The following BTF3L4 variants were observed in gnomAD, a reference collection of about 807,000 sequenced individuals.
The protein encoded by BTF3L4 is basic transcription factor 3 like 4.
Under a neutral mutation model 16.8 loss-of-function variants are expected in BTF3L4, and 6 were observed. That is an observed-to-expected ratio of 0.36 (90% CI 0.20 to 0.71). BTF3L4 has a LOEUF of 0.71. BTF3L4 is among the 30% of genes least tolerant of loss of function. The probability of loss-of-function intolerance (pLI) is 0.58; values close to 1 mark genes in which losing one functional copy is unlikely to be tolerated. For missense variants in BTF3L4, 92 were observed against 186.9 expected, an observed-to-expected ratio of 0.49 and a Z score of 2.96; for synonymous variants, 39 against 59.8, an observed-to-expected ratio of 0.65 and a Z score of 1.60.
chr1:52,086,177 T>A lies in BTF3L4; in HGVS notation c.430+6T>A. On this transcript the variant is annotated splice_donor_region_variant and intron_variant, in intron 5 of 5. Coordinates refer to ENST00000313334, the MANE Select transcript of BTF3L4 (RefSeq NM_152265.5). ...GGAAGATGATGATGTTCCAGGTAAG[T>A]GACATTTCCTTAGACTTAAGATTTT... 1 of 1,607,862 alleles carries A rather than the reference T, an allele frequency of 6.2e-7. No homozygotes were observed. Among genetic ancestry groups the A allele is most frequent in the Non-Finnish European group, 8.5e-7 (1 of 1,176,300 alleles).
chr1:52,057,367 A>G (rs1438306948), intron 1 of BTF3L4, among the ~76,000 whole-genome samples: 2 of 152,234 alleles, frequency 1.3e-5, no homozygotes, highest in Non-Finnish European at 2.9e-5. Flanking sequence ...AACAGTGCTA[A>G]AAGATCCTGG....
At chr1:52,078,666 A>G (rs1291037461) in intron 3 of BTF3L4, among the ~76,000 whole-genome samples, 1 of 152,200 alleles carries the variant, frequency 6.6e-6, no homozygotes, top group African/African-American at 2.4e-5. Flanking sequence ...TCTTCTAAAC[A>G]GTGAAAACAG....
chr1:52,085,297 G>A (rs1643961349), intron 4 of BTF3L4, among the ~76,000 whole-genome samples: 1 of 150,540 alleles, frequency 6.6e-6, no homozygotes, highest in African/African-American at 2.4e-5. Flanking sequence ...GGGATTACAA[G>A]CATGAGCCAC....
chr1:52,057,491 G>A (rs1311298502), intron 1 of BTF3L4, among the ~76,000 whole-genome samples: 1 of 152,204 alleles, frequency 6.6e-6, no homozygotes, highest in Non-Finnish European at 1.5e-5. Context: ...TATTAAGATG[G>A]GAGGGAGGGA....
rs1470173416 is a variant in BTF3L4 at position 52,089,790 on chromosome 1, T to G, written c.*3032T>G. The stretch of plus-strand genomic sequence containing the variant: ...GGCTCTTATATCTGTTTTACCCTTA[T>G]TTTTCCCATTAAGTAATGGTTTAAG... On this transcript the variant is annotated 3_prime_UTR_variant, in exon 6 of 6. Coordinates refer to ENST00000313334, the MANE Select transcript of BTF3L4 (RefSeq NM_152265.5). The G allele has an allele frequency of 6.6e-6, 1 of 152,188 alleles. No homozygotes were observed. The highest frequency in any genetic ancestry group is 1.9e-4 in the East Asian group (1 of 5,196). 9.4% of individuals were successfully genotyped at this position (152,188 alleles called of 1,614,324 possible).
chr1:52,080,641 C>A (rs1378382549), intron 3 of BTF3L4, among the ~76,000 whole-genome samples: 2 of 140,174 alleles, frequency 1.4e-5, no homozygotes, highest in Non-Finnish European at 3.0e-5. Flanking sequence ...TCAAGCAATT[C>A]TCCTGCCTCA....
At chr1:52,079,867 CT>C (rs757472183) in intron 3 of BTF3L4, among the ~76,000 whole-genome samples, 3 of 28,124 alleles carry the variant, frequency 1.1e-4, no homozygotes, top group Non-Finnish European at 1.7e-4. Context: ...TTTTTCTTTT[CT>C]TTTCTTTTTT....
At chr1:52,083,197 A>C (rs573379408) in intron 3 of BTF3L4, 143 bp from the exon 4 acceptor site, 38 of 654,378 alleles carry the variant, frequency 5.8e-5, no homozygotes, top group African/African-American at 4.9e-4. Flanking sequence ...TTTTTCCACG[A>C]ATGTCCGTTG....
At chr1:52,067,412 A>G (rs1283540227) in intron 3 of BTF3L4, among the ~76,000 whole-genome samples, 1 of 152,198 alleles carries the variant, frequency 6.6e-6, no homozygotes, top group Non-Finnish European at 1.5e-5. Context: ...TGTAAGCCAC[A>G]TGCATCTTTT....
At chr1:52,076,708 C>G (rs991709053) in intron 3 of BTF3L4, among the ~76,000 whole-genome samples, 1 of 152,142 alleles carries the variant, frequency 6.6e-6, no homozygotes, top group African/African-American at 2.4e-5. Flanking sequence ...TAATAATAGC[C>G]ATTAGAAATA....
Position 52,086,698 on chromosome 1 carries a change from T to G in BTF3L4, c.431-14T>G. On this transcript the variant is annotated splice_polypyrimidine_tract_variant and intron_variant, in intron 5 of 5. Coordinates refer to ENST00000313334, the MANE Select transcript of BTF3L4 (RefSeq NM_152265.5). ...TGTATTCTTTGATTCATATACTTTG[T>G]TTTTCTTTTTCAGATCTTGTAGAAA... The G allele has an allele frequency of 6.5e-7, 1 of 1,548,720 alleles. No individual in the cohort carries two copies. Among genetic ancestry groups the G allele is most frequent in the Non-Finnish European group, 8.8e-7 (1 of 1,131,984 alleles).
chr1:52,060,514 G>T (rs776160678), intron 2 of BTF3L4: 19 of 1,255,774 alleles, frequency 1.5e-5, no homozygotes, highest in Middle Eastern at 4.4e-4. Context: ...TAAAGCCTAA[G>T]GAAGAACTAG....
chr1:52,075,807 G>A (rs1686918247), intron 3 of BTF3L4, among the ~76,000 whole-genome samples: 1 of 151,844 alleles, frequency 6.6e-6, no homozygotes, highest in African/African-American at 2.4e-5. Flanking sequence ...GGGATTACAG[G>A]CAGGCGCCAC....
chr1:52,088,191 T>A lies in BTF3L4; in HGVS notation c.*1433T>A, dbSNP rs1572035090. On this transcript the variant is annotated 3_prime_UTR_variant, in exon 6 of 6. Transcript: ENST00000313334. ...AGCTTAACCTTGCAGCTACCAACTT[T>A]TGTGTCAAGCTAGATATCTTTATTT... 6.6e-6 allele frequency: 1 copy of A among 152,604 alleles called. No individual in the cohort carries two copies. The highest frequency in any genetic ancestry group is 6.5e-5 in the Admixed American group (1 of 15,272). The allele number at this position is 152,604 out of a possible 1,614,324, so 9.5% of individuals were successfully genotyped here.
chr1:52,086,118 A>C lies in BTF3L4; in HGVS notation c.377A>C (p.Asp126Ala). The part of the protein sequence containing the change: ...LAEQFPRQVL[D>A]SKAPKPEDID... ...TAAAATAAACTTTTTGTAGTCTTGG[A>C]CAGTAAAGCACCAAAACCAGAAGAC... is the stretch of plus-strand genomic sequence containing the variant. Residue 126 changes from aspartate to alanine, a missense_variant, in exon 5 of 6, where the codon GAC becomes GCC. Coordinates refer to ENST00000313334, the MANE Select transcript of BTF3L4 (RefSeq NM_152265.5). 1 of 1,607,610 alleles carries C rather than the reference A, an allele frequency of 6.2e-7. No homozygotes were observed. The highest frequency in any genetic ancestry group is 1.1e-5 in the South Asian group (1 of 89,624).
At chr1:52,062,860 C>G (rs1186400102) in intron 2 of BTF3L4, among the ~76,000 whole-genome samples, 2 of 152,164 alleles carry the variant, frequency 1.3e-5, no homozygotes, top group African/African-American at 4.8e-5. Flanking sequence ...AAAACTGTTC[C>G]ACCTTAGATC....
At chr1:52,084,906 C>G (rs1321051361) in intron 4 of BTF3L4, among the ~76,000 whole-genome samples, 1 of 151,254 alleles carries the variant, frequency 6.6e-6, no homozygotes, top group Non-Finnish European at 1.5e-5. Context: ...CAAGATAGTC[C>G]TGGTTTCAAA....
intron 3 of BTF3L4, among the ~76,000 whole-genome samples, chr1:52,075,380 C>T (rs969297789): frequency 4.4e-4 from 67 of 150,860 alleles, no homozygotes; most frequent in African/African-American, 1.6e-3. Context: ...ATTAGCCGGG[C>T]GTGGTGGCAC....
At chr1:52,079,862 CTTTTCTTTTCTTTTT>C (rs1212598567) in intron 3 of BTF3L4, among the ~76,000 whole-genome samples, 1 of 135,130 alleles carries the variant, frequency 7.4e-6, no homozygotes, top group Non-Finnish European at 1.5e-5. Context: ...TTTTCTTTTT[CTTTTCTTTTCTTTTT>C]TTTTTTTTTT....
Sources: gnomAD v4.1 joint callset for allele counts (sites outside exome capture counted in the v4.1 genomes callset) on GRCh38, gnomAD v4.1.1 for gene constraint, MANE v1.5 for transcripts, NCBI Gene and HGNC (gene_info 2026-07-23, HGNC 2026-07-21) for gene names.